Variants in UTP4 observed in about 807,000 individuals in gnomAD.
UTP4 encodes UTP4 small subunit processome component.
Under a neutral mutation model 82.4 loss-of-function variants are expected in UTP4, and 45 were observed. The observed-to-expected ratio is 0.55, with a 90% CI of 0.43 to 0.70. UTP4 has a LOEUF of 0.70. Among genes scored for constraint, UTP4 ranks in the 30% least tolerant of loss-of-function variants. The probability of loss-of-function intolerance (pLI) is 0.00; values close to 1 mark genes in which losing one functional copy is unlikely to be tolerated. For missense variants in UTP4, 819 were observed against 858.3 expected (o/e 0.95, Z 0.57); for synonymous variants, 348 against 300.3 (o/e 1.16, Z -1.64).
Position 69,146,141 on chromosome 16 carries a change from T to C in UTP4, c.738+2752T>C, listed in dbSNP as rs1242424092. 3.9e-5 allele frequency among the ~76,000 whole-genome samples: 6 copies of C among 152,110 alleles called. No homozygotes were observed. In the East Asian group the frequency reaches 9.6e-4, roughly 24 times the overall value. The stretch of plus-strand genomic sequence containing the variant: ...AAAAGATATTCCAAACTTTAGTCTT[T>C]TTACCATTAGTTTTGTAATTCTCCC... On this transcript the variant is annotated intron_variant, in intron 6 of 16. Coordinates refer to ENST00000314423, the MANE Select transcript of UTP4 (RefSeq NM_032830.3).
At chr16:69,140,523 C>A (rs1156369877) in intron 5 of UTP4, among the ~76,000 whole-genome samples, 1 of 152,136 alleles carries the variant, frequency 6.6e-6, no homozygotes, top group Non-Finnish European at 1.5e-5. Context: ...CAAGACCAGC[C>A]TGACCAACAT....
intron 15 of UTP4, chr16:69,166,783 A>G: frequency 2.5e-6 from 1 of 400,192 alleles, no homozygotes; most frequent in Non-Finnish European, 4.6e-6. Flanking sequence ...ATCTTGCTGC[A>G]TGGAGTTAAC....
At chr16:69,164,612 A>ATATATATATG (rs1555495255) in intron 14 of UTP4, among the ~76,000 whole-genome samples, 2 of 129,194 alleles carry the variant, frequency 1.5e-5, no homozygotes, top group African/African-American at 6.2e-5. Flanking sequence ...ATATATATAT[A>ATATATATATG]TATGTATATA....
intron 12 of UTP4, among the ~76,000 whole-genome samples, chr16:69,159,478 A>G (rs1012012968): frequency 1.8e-4 from 27 of 152,018 alleles, no homozygotes; most frequent in Non-Finnish European, 1.3e-4. Flanking sequence ...TCATAAGGTC[A>G]AGAGATCGAG....
chr16:69,157,266 G>A, intron 12 of UTP4, 26 bp downstream of exon 12: 1 of 1,612,822 alleles, frequency 6.2e-7, no homozygotes, highest in African/African-American at 1.3e-5. Flanking sequence ...CTGGCCATGG[G>A]GAGACTTGTC....
intron 12 of UTP4, among the ~76,000 whole-genome samples, chr16:69,159,561 G>A (rs928756076): frequency 4.6e-5 from 7 of 152,060 alleles, no homozygotes; most frequent in African/African-American, 1.2e-4. Context: ...GGTGGTGCAC[G>A]CCTGTAGTCC....
At chr16:69,157,292 C>G in intron 12 of UTP4, 52 bp downstream of exon 12, 1 of 1,593,572 alleles carries the variant, frequency 6.3e-7, no homozygotes, top group Non-Finnish European at 8.6e-7. Flanking sequence ...TAAGATGTAA[C>G]TTTTTTGCTT....
chr16:69,167,075 C>A lies in UTP4; in HGVS notation c.1834C>A (p.Pro612Thr). 6.2e-7 allele frequency: 1 copy of A among 1,606,424 alleles called. No individual in the cohort carries two copies. Among genetic ancestry groups the A allele is most frequent in the Non-Finnish European group, 8.5e-7 (1 of 1,173,146 alleles). ...YMFCIIDKSL[P>T]LPNDKTLLYN... ...AAACAATGTGTCTTTGTTTTTTTAGCCCCTTCCAAATGACAAAACCTTACT... is the reference window on the plus strand; with the variant it reads ...AAACAATGTGTCTTTGTTTTTTTAGACCCTTCCAAATGACAAAACCTTACT... Residue 612 changes from proline to threonine, a missense_variant and splice_region_variant, in exon 16 of 17, where the codon CCC (proline) becomes ACC (threonine). Physicochemically the swap from Pro to Thr is conservative, Grantham distance 38 (BLOSUM62 -1). Transcript: ENST00000314423.
At chr16:69,165,261 C>G in intron 14 of UTP4, 80 bp from the exon 15 acceptor site, 1 of 1,212,604 alleles carries the variant, frequency 8.2e-7, no homozygotes, top group Non-Finnish European at 1.2e-6. Context: ...TGTATAGATA[C>G]TTTCTGGTTA....
chr16:69,167,465 C>T (rs1963730424), intron 16 of UTP4: 3 of 399,168 alleles, frequency 7.5e-6, no homozygotes, highest in African/African-American at 2.1e-5. Flanking sequence ...GTCATGAGAG[C>T]TGGCTTTAAA....
intron 14 of UTP4, among the ~76,000 whole-genome samples, chr16:69,164,903 C>T (rs1963661489): frequency 6.6e-6 from 1 of 151,932 alleles, no homozygotes; most frequent in Non-Finnish European, 1.5e-5. Context: ...TAAAATAGCT[C>T]TGAAAAGATG....
At chr16:69,151,236 A>G (rs754084530) in intron 8 of UTP4, among the ~76,000 whole-genome samples, 8 of 150,488 alleles carry the variant, frequency 5.3e-5, no homozygotes, top group Non-Finnish European at 7.4e-5. Flanking sequence ...GGAACTCCCA[A>G]CCTCAGGTGA....
intron 6 of UTP4, among the ~76,000 whole-genome samples, chr16:69,143,954 C>T (rs1457326092): frequency 6.6e-6 from 1 of 152,002 alleles, no homozygotes; most frequent in Non-Finnish European, 1.5e-5. Flanking sequence ...ATGGCGCGAT[C>T]TAGGCTCATT....
Position 69,163,138 on chromosome 16 carries a change from C to G in UTP4, c.1607C>G (p.Pro536Arg), listed in dbSNP as rs1398819999. Residue 536 changes from proline to arginine, a missense_variant, in exon 14 of 17, where the codon CCC becomes CGC. Pro to Arg is a moderately radical substitution (Grantham distance 103). Transcript: ENST00000314423. ...CCAGTGACTGCTATGGCTATTGCCCCCAATACCAACAACCTTGTCATCGCT... is the reference window on the plus strand; with the variant it reads ...CCAGTGACTGCTATGGCTATTGCCCGCAATACCAACAACCTTGTCATCGCT... ...NFPVTAMAIA[P>R]NTNNLVIAHS... 6.2e-7 allele frequency: 1 copy of G among 1,614,130 alleles called. No homozygotes were observed.
chr16:69,142,072 T>C (rs1962974222), intron 5 of UTP4: 1 of 150,102 alleles, frequency 6.7e-6, no homozygotes. Flanking sequence ...CTGTTATTCA[T>C]TTATTTGTTT....
intron 15 of UTP4, chr16:69,166,641 C>G (rs1005841390): frequency 5.8e-6 from 1 of 173,136 alleles, no homozygotes; most frequent in African/African-American, 2.4e-5. Flanking sequence ...CTTGTCCAGT[C>G]TGTGATCTGG....
intron 1 of UTP4, chr16:69,133,075 G>T: frequency 3.4e-6 from 1 of 293,000 alleles, no homozygotes; most frequent in Non-Finnish European, 6.6e-6. Context: ...TCTTCCTCAA[G>T]AGGAGCTCGG....
At position 69,141,137 on chromosome 16, in the gene UTP4, C is replaced by G. The variant is rs141966845; in HGVS notation, c.526+1223C>G. ...TCTGATTTTCTTTCTCCACTTTTAT[C>G]TTTGTGAATAAGTCCCTCCCGGTGC... On this transcript the variant is annotated intron_variant, in intron 5 of 16. Coordinates refer to ENST00000314423, the MANE Select transcript of UTP4 (RefSeq NM_032830.3). Among the ~76,000 whole-genome samples, 167 of 152,302 alleles carry G rather than the reference C, an allele frequency of 1.1e-3. 2 individuals carry two copies. Among genetic ancestry groups the G allele is most frequent in the African/African-American group, 3.6e-3 (151 of 41,570 alleles).
At chr16:69,156,154 CTTTT>C (rs36043898) in intron 11 of UTP4, among the ~76,000 whole-genome samples, 161 bp downstream of exon 11, 2 of 130,466 alleles carry the variant, frequency 1.5e-5, no homozygotes, top group Non-Finnish European at 3.2e-5. Flanking sequence ...TTCTTTCTTT[CTTTT>C]TTTTTTTTTT....
Sources: gnomAD v4.1 joint callset for allele counts (sites outside exome capture counted in the v4.1 genomes callset) on GRCh38, gnomAD v4.1.1 for gene constraint, MANE v1.5 for transcripts, NCBI Gene and HGNC (gene_info 2026-07-23, HGNC 2026-07-21) for gene names.